CAMK2D: variants seen among roughly 807,000 people sequenced by gnomAD.
CAMK2D encodes the protein calcium/calmodulin-dependent protein kinase type II subunit delta.
Under a neutral mutation model 84.0 loss-of-function variants are expected in CAMK2D, and 37 were observed. The ratio of observed to expected loss-of-function variants is 0.44; its 90% confidence interval spans 0.34 to 0.58. CAMK2D has a LOEUF of 0.58. Ranked by LOEUF, CAMK2D falls within the 20% of genes least tolerant of loss-of-function variation. CAMK2D has a pLI of 0.02. For synonymous variants in CAMK2D, 202 were observed against 212.5 expected, an observed-to-expected ratio of 0.95 and a Z score of 0.43; for missense variants, 448 against 652.5, an observed-to-expected ratio of 0.69 and a Z score of 3.41.
At chr4:113,707,245 T>C (rs2099462336) in intron 2 of CAMK2D, among the ~76,000 whole-genome samples, 1 of 152,134 alleles carries the variant, frequency 6.6e-6, no homozygotes, top group Non-Finnish European at 1.5e-5. Flanking sequence ...TGCCCAGTTA[T>C]GATCTCCACA....
intron 8 of CAMK2D, among the ~76,000 whole-genome samples, chr4:113,530,693 G>T (rs1320523547): frequency 6.6e-6 from 1 of 152,176 alleles, no homozygotes; most frequent in Non-Finnish European, 1.5e-5. Flanking sequence ...GACACAAAGA[G>T]AGGATAACTC....
chr4:113,761,462 T>C lies in CAMK2D; in HGVS notation c.-394A>G. 2.6e-6 allele frequency: 3 copies of C among 1,140,696 alleles called. No individual in the cohort carries two copies. Among genetic ancestry groups the C allele is most frequent in the South Asian group, 4.1e-5 (2 of 48,814 alleles). The allele number at this position is 1,140,696 out of a possible 1,614,324, so 70.7% of individuals were successfully genotyped here. A position where few individuals can be genotyped will look rare whatever the true frequency, so the allele number is the denominator to read the frequency against. On this transcript the variant is annotated 5_prime_UTR_variant, in exon 1 of 21. Transcript: ENST00000511664. Reference sequence around the variant, plus strand: ...CAAGCAGTTGCGAAACGATCCGCACTGGAGCAGGAGGAGTAGAAGCAGAGG... The same window carrying C: ...CAAGCAGTTGCGAAACGATCCGCACCGGAGCAGGAGGAGTAGAAGCAGAGG...
chr4:113,696,121 G>C (rs1464197883), intron 2 of CAMK2D, among the ~76,000 whole-genome samples: 1 of 151,686 alleles, frequency 6.6e-6, no homozygotes, highest in Non-Finnish European at 1.5e-5. Flanking sequence ...ACCATACTAA[G>C]GGAGGTCTTT....
At chr4:113,627,797 AC>A (rs1236308196) in intron 3 of CAMK2D, among the ~76,000 whole-genome samples, 17 of 152,274 alleles carry the variant, frequency 1.1e-4, no homozygotes, top group African/African-American at 3.8e-4. Context: ...GCCTTATTAG[AC>A]CTTAGCTGGG....
At chr4:113,645,446 A>T (rs1050930121) in intron 3 of CAMK2D, among the ~76,000 whole-genome samples, 2 of 152,084 alleles carry the variant, frequency 1.3e-5, no homozygotes, top group African/African-American at 4.8e-5. Flanking sequence ...TGCTACAATG[A>T]CAAAGAGGTA....
At chr4:113,683,736 A>G (rs2099352105) in intron 2 of CAMK2D, among the ~76,000 whole-genome samples, 1 of 152,240 alleles carries the variant, frequency 6.6e-6, no homozygotes, top group African/African-American at 2.4e-5. Flanking sequence ...TTGTCTGTGG[A>G]TAACAACCTC....
intron 2 of CAMK2D, among the ~76,000 whole-genome samples, chr4:113,674,309 C>T (rs1009431742): frequency 3.9e-5 from 6 of 152,044 alleles, no homozygotes; most frequent in African/African-American, 7.2e-5. Context: ...GAGTGGTATT[C>T]TCAATTAATC....
At chr4:113,591,212 T>C (rs2098878338) in intron 4 of CAMK2D, among the ~76,000 whole-genome samples, 1 of 152,176 alleles carries the variant, frequency 6.6e-6, no homozygotes, top group African/African-American at 2.4e-5. Context: ...TAAGTACCTA[T>C]TTCTGAGTCT....
At chr4:113,544,902 T>A (rs2098555811) in intron 6 of CAMK2D, among the ~76,000 whole-genome samples, 1 of 152,084 alleles carries the variant, frequency 6.6e-6, no homozygotes, top group Non-Finnish European at 1.5e-5. Flanking sequence ...CCCTGACTCT[T>A]CTCCTATTGC....
chr4:113,470,881 A>G (rs911261822), intron 16 of CAMK2D, among the ~76,000 whole-genome samples: 22 of 152,252 alleles, frequency 1.4e-4, no homozygotes, highest in Admixed American at 4.6e-4. Context: ...TTTAATAAGT[A>G]TTTGAATGAA....
chr4:113,760,396 T>C (rs2099638376), intron 1 of CAMK2D, among the ~76,000 whole-genome samples: 1 of 152,198 alleles, frequency 6.6e-6, no homozygotes. Flanking sequence ...AGCGGTAATC[T>C]GGTGCAAAGA....
At position 113,454,913 on chromosome 4, in the gene CAMK2D, G is replaced by A. The variant is rs113947065; in HGVS notation, c.*30-398C>T. 1.8e-4 allele frequency among the ~76,000 whole-genome samples: 28 copies of A among 152,200 alleles called. 1 individual carries two copies. The highest frequency in any genetic ancestry group is 6.7e-4 in the African/African-American group (28 of 41,536). On this transcript the variant is annotated intron_variant, in intron 20 of 20. Coordinates refer to ENST00000511664, the MANE Select transcript of CAMK2D (RefSeq NM_001321571.2). ...TTCATCCTTAGCTTCTGTTATTATT[G>A]TTAGATTCCTTGGGAAATGAAACCT...
chr4:113,687,042 A>G (rs184389035), intron 2 of CAMK2D, among the ~76,000 whole-genome samples: 1 of 152,338 alleles, frequency 6.6e-6, no homozygotes, highest in East Asian at 1.9e-4. Context: ...TGTATATAAT[A>G]AAATGTTTGC....
At chr4:113,685,624 C>T (rs1345023073) in intron 2 of CAMK2D, among the ~76,000 whole-genome samples, 2 of 151,584 alleles carry the variant, frequency 1.3e-5, no homozygotes, top group Admixed American at 1.3e-4. Context: ...TAGAGAAAAA[C>T]AAAATTAGGT....
chr4:113,502,269 CATTT>C (rs756187692), intron 15 of CAMK2D, among the ~76,000 whole-genome samples: 23 of 151,830 alleles, frequency 1.5e-4, no homozygotes, highest in Non-Finnish European at 3.1e-4. Context: ...GTATAGGAAA[CATTT>C]AGTCTTCTTT....
chr4:113,496,446 CTTTTTTTTT>C (rs543371495), intron 16 of CAMK2D, among the ~76,000 whole-genome samples: 2 of 120,706 alleles, frequency 1.7e-5, no homozygotes, highest in South Asian at 2.7e-4. Flanking sequence ...CTCCCATTTG[CTTTTTTTTT>C]TTTTTTTTTT....
intron 4 of CAMK2D, among the ~76,000 whole-genome samples, chr4:113,589,281 C>A (rs1189357200): frequency 6.6e-6 from 1 of 152,088 alleles, no homozygotes; most frequent in African/African-American, 2.4e-5. Context: ...CTAGTTGGGA[C>A]ACTTTTACAG....
chr4:113,761,523 G>C lies in CAMK2D; in HGVS notation c.-455C>G. 4.0e-6 allele frequency: 4 copies of C among 1,011,994 alleles called. No individual in the cohort carries two copies. The highest frequency in any genetic ancestry group is 3.9e-5 in the South Asian group (1 of 25,412). 62.7% of individuals were successfully genotyped at this position (1,011,994 alleles called of 1,614,324 possible). A position where few individuals can be genotyped will look rare whatever the true frequency, so the allele number is the denominator to read the frequency against. Reference sequence around the variant, plus strand: ...CGAGGGGGCGGAGGTGGAGTGCAGCGGGGCCGAGGCCGCGGAGCCCAGAGC... The same window carrying C: ...CGAGGGGGCGGAGGTGGAGTGCAGCCGGGCCGAGGCCGCGGAGCCCAGAGC... On this transcript the variant is annotated 5_prime_UTR_variant, in exon 1 of 21. Transcript: ENST00000511664.
At chr4:113,704,938 T>TA (rs11297471) in intron 2 of CAMK2D, among the ~76,000 whole-genome samples, 52 of 149,462 alleles carry the variant, frequency 3.5e-4, no homozygotes, top group African/African-American at 9.6e-4. Context: ...TATGGCAGGT[T>TA]AAAAAAAAAA....
Sources: allele counts gnomAD v4.1 joint callset (sites outside exome capture counted in the v4.1 genomes callset), GRCh38; gene constraint gnomAD v4.1.1; transcripts MANE v1.5; gene names NCBI Gene and HGNC (gene_info 2026-07-23, HGNC 2026-07-21).